PROX1: variants seen among roughly 807,000 people sequenced by gnomAD.
PROX1 encodes the protein prospero homeobox 1, also known as prospero homeobox protein 1.
PROX1 carries 7 observed loss-of-function variants against 58.8 expected under a neutral mutation model. The observed-to-expected ratio is 0.12, with a 90% CI of 0.07 to 0.22. The LOEUF is 0.22. Among genes scored for constraint, PROX1 ranks in the 10% least tolerant of loss-of-function variants. The pLI is 1.00. For synonymous variants in PROX1, 350 were observed against 358.3 expected, an observed-to-expected ratio of 0.98 and a Z score of 0.26; for missense variants, 675 against 927.8, an observed-to-expected ratio of 0.73 and a Z score of 3.54.
chr1:213,996,373 A>G, intron 1 of PROX1, 96 bp from the exon 2 acceptor site: 1 of 726,312 alleles, frequency 1.4e-6, no homozygotes, highest in Admixed American at 3.0e-5. Context: ...TAAATCCCAG[A>G]GCCTATGCAT....
chr1:213,991,539 C>A (rs919294448), intron 1 of PROX1, among the ~76,000 whole-genome samples: 3 of 152,158 alleles, frequency 2.0e-5, no homozygotes, highest in Non-Finnish European at 4.4e-5. Flanking sequence ...GTTATCTGTG[C>A]TTGGCACTTA....
At chr1:214,000,089 T>C (rs1248779018) in intron 2 of PROX1, among the ~76,000 whole-genome samples, 1 of 151,882 alleles carries the variant, frequency 6.6e-6, no homozygotes. Flanking sequence ...CAGAGTAAAG[T>C]GACATGCGTG....
chr1:214,000,669 C>T (rs1663473667), intron 2 of PROX1, among the ~76,000 whole-genome samples: 1 of 152,184 alleles, frequency 6.6e-6, no homozygotes, highest in Non-Finnish European at 1.5e-5. Flanking sequence ...CCATTTATCT[C>T]ATTGGTATAT....
chr1:214,028,087 G>C (rs2102769302), intron 4 of PROX1, among the ~76,000 whole-genome samples: 1 of 152,236 alleles, frequency 6.6e-6, no homozygotes, highest in East Asian at 1.9e-4. Flanking sequence ...GTTCCTGAAA[G>C]CTGAATGCCA....
chr1:214,023,372 T>G (rs992256201), intron 4 of PROX1, among the ~76,000 whole-genome samples: 4 of 152,160 alleles, frequency 2.6e-5, no homozygotes, highest in African/African-American at 4.8e-5. Context: ...TTTATTTTTT[T>G]GAGACACAGA....
In PROX1 at chr1:213,997,187, C is replaced by A; in HGVS notation, c.652C>A (p.Gln218Lys). The change falls in exon 2 of 5, where the codon CAA (glutamine) becomes AAA (lysine). Residue 218 changes from glutamine (Q) to lysine (K), a missense_variant. Gln to Lys is a moderately conservative substitution (Grantham distance 53). Coordinates refer to ENST00000366958, the MANE Select transcript of PROX1 (RefSeq NM_001270616.2). This position sits in a 1 kb window ranked among gnomAD's most constrained non-coding sequence, Gnocchi z 7.1. ...CAAGCAAAAGCTTCCCCAGCAGCAG[C>A]AACAGAGTTTCCAGCAGCTGGTTTC... ...KRKQKLPQQQQQSFQQLVSAR... is the reference protein window; with the variant it reads ...KRKQKLPQQQKQSFQQLVSAR... 1 of 1,613,516 alleles carries A rather than the reference C, an allele frequency of 6.2e-7. No individual in the cohort carries two copies. The highest frequency in any genetic ancestry group is 8.5e-7 in the Non-Finnish European group (1 of 1,179,860).
At chr1:214,002,958 T>C (rs1288435890) in intron 2 of PROX1, among the ~76,000 whole-genome samples, 1 of 152,240 alleles carries the variant, frequency 6.6e-6, no homozygotes, top group Non-Finnish European at 1.5e-5. Flanking sequence ...ATTAATTCTG[T>C]GTTCCATTTC....
At chr1:214,006,746 G>A (rs1471592634) in intron 3 of PROX1, among the ~76,000 whole-genome samples, 1 of 152,192 alleles carries the variant, frequency 6.6e-6, no homozygotes, top group African/African-American at 2.4e-5. Flanking sequence ...ATGGAGGACA[G>A]GGAGAAAAGG....
chr1:214,003,949 T>C (rs184742210), intron 2 of PROX1, among the ~76,000 whole-genome samples: 10 of 149,866 alleles, frequency 6.7e-5, no homozygotes, highest in Admixed American at 4.1e-4. Flanking sequence ...GGGGTGAAAT[T>C]TTTGTTGGGT....
At position 214,036,704 on chromosome 1, in the gene PROX1, T is replaced by C. The variant is rs1352469749; in HGVS notation, c.*870T>C. On this transcript the variant is annotated 3_prime_UTR_variant, in exon 5 of 5. Coordinates refer to ENST00000366958, the MANE Select transcript of PROX1 (RefSeq NM_001270616.2). The stretch of plus-strand genomic sequence containing the variant: ...AGTTTCCAATTTACGCTGCTCAACT[T>C]TGTTTATATGCTTAAAAGGATTCTG... 1 of 152,230 alleles carries C rather than the reference T, an allele frequency of 6.6e-6. No individual in the cohort carries two copies. Among genetic ancestry groups the C allele is most frequent in the Non-Finnish European group, 1.5e-5 (1 of 68,036 alleles). The allele number at this position is 152,230 out of a possible 1,614,324, so 9.4% of individuals were successfully genotyped here. A position where few individuals can be genotyped will look rare whatever the true frequency, so the allele number is the denominator to read the frequency against.
chr1:213,996,985 C>T lies in PROX1; in HGVS notation c.450C>T (p.Ser150=), dbSNP rs1285705371. The change falls in exon 2 of 5, where the codon AGC becomes AGT. Residue 150 remains serine (S), a synonymous_variant. Transcript: ENST00000366958. ...CCCCTTTTGGCAGGCCTACTATGAG[C>T]CAGTTTGATATGGATCGCTTATGTG... ...CLSPFGRPTM[S]QFDMDRLCDE... is the part of the protein sequence containing the mutation. 1 of 1,614,012 alleles carries T rather than the reference C, an allele frequency of 6.2e-7. No homozygotes were observed.
chr1:213,999,424 A>G (rs967563618), intron 2 of PROX1, among the ~76,000 whole-genome samples: 1 of 152,180 alleles, frequency 6.6e-6, no homozygotes, highest in Non-Finnish European at 1.5e-5. Flanking sequence ...AGAGATTGAC[A>G]TTTTCATATC....
Position 214,037,674 on chromosome 1 carries a change from C to T in PROX1, c.*1840C>T, listed in dbSNP as rs41277176. The T allele has an allele frequency of 0.01, 1,566 of 152,306 alleles. 13 individuals carry two copies. The highest frequency in any genetic ancestry group is 0.016 in the Non-Finnish European group (1,085 of 68,056). 9.4% of individuals were successfully genotyped at this position (152,306 alleles called of 1,614,324 possible). ...GCCACACGGGCGGGGGCACCAGCCA[C>T]CTCACTCTGCACCCGCGGCCTCACA... On this transcript the variant is annotated 3_prime_UTR_variant, in exon 5 of 5. Transcript: ENST00000366958.
intron 4 of PROX1, among the ~76,000 whole-genome samples, chr1:214,028,703 C>T (rs1295079200): frequency 6.6e-6 from 1 of 152,178 alleles, no homozygotes; most frequent in South Asian, 2.1e-4. Flanking sequence ...TTGATCCTCC[C>T]CTGGAATGAG....
upstream of PROX1, among the ~76,000 whole-genome samples, chr1:213,986,773 T>G (rs1310306590): frequency 6.6e-6 from 1 of 152,200 alleles, no homozygotes; most frequent in African/African-American, 2.4e-5. Context: ...GCTGCTTTAT[T>G]AAAAGCCGTT....
intron 4 of PROX1, chr1:214,030,966 A>G (rs996579080): frequency 1.3e-5 from 2 of 152,408 alleles, no homozygotes; most frequent in Non-Finnish European, 2.9e-5. Context: ...CAGGAGAAAA[A>G]TGTGTCTTTG....
intron 3 of PROX1, among the ~76,000 whole-genome samples, chr1:214,008,256 T>A (rs1382246391): frequency 6.6e-6 from 1 of 152,116 alleles, no homozygotes; most frequent in Non-Finnish European, 1.5e-5. Context: ...GGTTTCACCA[T>A]GTTGGCGAAG....
At chr1:214,024,703 T>C (rs1222410385) in intron 4 of PROX1, among the ~76,000 whole-genome samples, 1 of 152,196 alleles carries the variant, frequency 6.6e-6, no homozygotes, top group African/African-American at 2.4e-5. Context: ...ATTATGAAGG[T>C]AAAGCTGTGG....
intron 1 of PROX1, among the ~76,000 whole-genome samples, chr1:213,995,825 A>C (rs1419599781): frequency 1.3e-5 from 2 of 152,220 alleles, no homozygotes; most frequent in Non-Finnish European, 2.9e-5. Flanking sequence ...GACTTATAAA[A>C]TGACTATTGT....
Sources: allele counts gnomAD v4.1 joint callset (sites outside exome capture counted in the v4.1 genomes callset), GRCh38; gene constraint gnomAD v4.1.1; non-coding constraint Gnocchi (gnomAD v3.1); transcripts MANE v1.5; gene names NCBI Gene and HGNC (gene_info 2026-07-23, HGNC 2026-07-21).